The following PCDHA9 variants were observed in gnomAD, a reference collection of about 807,000 sequenced individuals.
PCDHA9 encodes protocadherin alpha 9, also known as protocadherin alpha-9.
PCDHA9 carries 62 observed loss-of-function variants against 62.0 expected under a neutral mutation model. The observed-to-expected ratio is 1.00, with a 90% CI of 0.81 to 1.23. The LOEUF (loss-of-function observed/expected upper bound fraction) is 1.23. PCDHA9 is among the 50% of genes most tolerant of loss of function. PCDHA9 has a pLI of 0.00. For synonymous variants in PCDHA9, 557 were observed against 567.6 expected, an observed-to-expected ratio of 0.98 and a Z score of 0.27; for missense variants, 1,205 against 1,249.8, an observed-to-expected ratio of 0.96 and a Z score of 0.54.
rs374326542 is a variant in PCDHA9, at chr5:140,927,218, A to G, written c.2395-51731A>G. The G allele has an allele frequency of 2.5e-6, 4 of 1,613,972 alleles. No individual in the cohort carries two copies. The African/African-American group carries it at 5.3e-5, about 22-fold the overall frequency. On this transcript the variant is annotated intron_variant, in intron 1 of 3. Coordinates refer to ENST00000532602, the MANE Select transcript of PCDHA9 (RefSeq NM_031857.2). ...CTCGAGGACCCGCTGGAGCTGCACA[A>G]GATTCGGATTCACGTCCTGGACACC...
intron 1 of PCDHA9, among the ~76,000 whole-genome samples, chr5:140,941,215 C>CTTT (rs782548958): frequency 2.3e-4 from 24 of 104,510 alleles, no homozygotes; most frequent in African/African-American, 3.3e-4. Context: ...TTCTTTCTTC[C>CTTT]TTTCTTTCTT....
At chr5:140,984,227 T>C (rs571404372) in intron 3 of PCDHA9, among the ~76,000 whole-genome samples, 1 of 152,336 alleles carries the variant, frequency 6.6e-6, no homozygotes, top group Admixed American at 6.5e-5. Context: ...CTTGCTCTTA[T>C]GGAGGCATTG....
At chr5:141,001,476 G>A (rs1554258187) in intron 3 of PCDHA9, among the ~76,000 whole-genome samples, 1 of 152,226 alleles carries the variant, frequency 6.6e-6, no homozygotes, top group Admixed American at 6.5e-5. Flanking sequence ...CAGCAGCGGG[G>A]AAGTGCTGGA....
chr5:140,943,571 G>A (rs1164273913), intron 1 of PCDHA9, among the ~76,000 whole-genome samples: 4 of 152,152 alleles, frequency 2.6e-5, no homozygotes, highest in Admixed American at 2.6e-4. Context: ...ATTTTAATTT[G>A]TTGATCTGAG....
At chr5:140,999,784 T>C (rs1176844844) in intron 3 of PCDHA9, among the ~76,000 whole-genome samples, 1 of 152,202 alleles carries the variant, frequency 6.6e-6, no homozygotes, top group African/African-American at 2.4e-5. Context: ...AACCTAGAAA[T>C]GGCAGAGTTA....
chr5:140,973,078 C>T (rs111586419), intron 1 of PCDHA9, among the ~76,000 whole-genome samples: 5,544 of 152,208 alleles, frequency 0.036, 303 homozygotes, highest in African/African-American at 0.12. Context: ...GTGGGCCCAG[C>T]TGGCACAACA....
chr5:140,850,632 C>T lies in PCDHA9; in HGVS notation c.2137C>T (p.Leu713Phe), dbSNP rs2150491641. ...AICAVSSLLV[L>F]TLLLYTVLRC... is the part of the protein sequence containing the mutation. Reference sequence around the variant, plus strand: ...CTGCGCGGTGTCTAGCCTGTTGGTTCTCACGCTGCTGCTGTACACTGTGCT... The same window carrying T: ...CTGCGCGGTGTCTAGCCTGTTGGTTTTCACGCTGCTGCTGTACACTGTGCT... The change falls in exon 1 of 4, where the codon CTC (leucine) becomes TTC (phenylalanine). Residue 713 changes from leucine (L) to phenylalanine (F), a missense_variant. By Grantham distance (22) the Leu-to-Phe change is conservative (BLOSUM62 0). Around this residue, in one of 3 missense-constraint regions of PCDHA9, gnomAD observed 887 missense variants for 809.5 expected, o/e 1.10. Coordinates refer to ENST00000532602, the MANE Select transcript of PCDHA9 (RefSeq NM_031857.2). 6.3e-7 allele frequency: 1 copy of T among 1,598,646 alleles called. No homozygotes were observed.
intron 1 of PCDHA9, chr5:140,926,774 A>G: frequency 7.2e-7 from 1 of 1,380,760 alleles, no homozygotes; most frequent in Non-Finnish European, 9.4e-7. Flanking sequence ...AGCCCGCAGC[A>G]GTGACGGCCG....
intron 1 of PCDHA9, among the ~76,000 whole-genome samples, chr5:140,893,800 T>C (rs1483033571): frequency 6.6e-6 from 1 of 152,174 alleles, no homozygotes; most frequent in Non-Finnish European, 1.5e-5. Flanking sequence ...ATTCCCTCCT[T>C]GTCTTGAGTC....
intron 1 of PCDHA9, chr5:140,883,514 G>A: frequency 6.2e-7 from 1 of 1,614,220 alleles, no homozygotes; most frequent in Non-Finnish European, 8.5e-7. Context: ...CCTGGACCGC[G>A]AGAGCGTATC....
chr5:141,004,402 A>T (rs2098165262), intron 3 of PCDHA9, among the ~76,000 whole-genome samples: 1 of 152,188 alleles, frequency 6.6e-6, no homozygotes, highest in African/African-American at 2.4e-5. Context: ...TGGAGGAGGC[A>T]CCTGACTAGA....
intron 1 of PCDHA9, chr5:140,856,553 T>C (rs1319185539): frequency 6.3e-7 from 1 of 1,598,066 alleles, no homozygotes; most frequent in African/African-American, 1.3e-5. Context: ...ATTGCTTACT[T>C]ACAAACTCAG....
At chr5:140,876,945 C>T (rs1405794987) in intron 1 of PCDHA9, 2 of 1,613,474 alleles carry the variant, frequency 1.2e-6, no homozygotes, top group East Asian at 2.2e-5. Flanking sequence ...CGCTGGTGTC[C>T]TACTCGCTGG....
At chr5:140,930,169 A>G (rs1312219690) in intron 1 of PCDHA9, 1 of 152,184 alleles carries the variant, frequency 6.6e-6, no homozygotes, top group Non-Finnish European at 1.5e-5. Context: ...AATATTTTAC[A>G]AAGAGGAAAG....
intron 3 of PCDHA9, among the ~76,000 whole-genome samples, chr5:140,986,890 G>A (rs965456573): frequency 6.6e-6 from 1 of 152,124 alleles, no homozygotes; most frequent in Non-Finnish European, 1.5e-5. Flanking sequence ...CAAATTCTTA[G>A]GCCCTATCCT....
chr5:140,850,269 G>C lies in PCDHA9; in HGVS notation c.1774G>C (p.Gly592Arg), dbSNP rs201513560. ...GTCGGTGGGCGCCGGCGTAGTGGTGGGGAAGGTGCGCGCAGTGGACGCCGA... is the reference window on the plus strand; with the variant it reads ...GTCGGTGGGCGCCGGCGTAGTGGTGCGGAAGGTGCGCGCAGTGGACGCCGA... ...LRSVGAGVVVGKVRAVDADSG... is the reference protein window; with the variant it reads ...LRSVGAGVVVRKVRAVDADSG... Residue 592 changes from glycine (G) to arginine (R), a missense_variant, in exon 1 of 4, where the codon GGG (glycine) becomes CGG (arginine). Gly to Arg is a moderately radical substitution (Grantham distance 125). Transcript: ENST00000532602. 7 of 1,594,786 alleles carry C rather than the reference G, an allele frequency of 4.4e-6. 1 individual carries two copies. The highest frequency in any genetic ancestry group is 1.3e-5 in the African/African-American group (1 of 74,148).
chr5:140,851,763 C>T (rs1554145528), intron 1 of PCDHA9: 1 of 969,364 alleles, frequency 1.0e-6, no homozygotes, highest in Admixed American at 6.3e-5. Context: ...TAAAACATTA[C>T]CCTTATGAAT....
At chr5:140,976,894 CAGT>C (rs1199753516) in intron 1 of PCDHA9, among the ~76,000 whole-genome samples, 1 of 152,132 alleles carries the variant, frequency 6.6e-6, no homozygotes, top group African/African-American at 2.4e-5. Context: ...ATACATGCAA[CAGT>C]ATGTAATAAA....
chr5:141,006,843 T>A (rs2098291274), intron 3 of PCDHA9, among the ~76,000 whole-genome samples: 1 of 152,154 alleles, frequency 6.6e-6, no homozygotes, highest in Non-Finnish European at 1.5e-5. Context: ...TTACTGAAAC[T>A]GGAAAGATTT....
Sources: gnomAD v4.1 joint callset for allele counts (sites outside exome capture counted in the v4.1 genomes callset) on GRCh38, gnomAD v4.1.1 for gene constraint, gnomAD v4.1.1 regional missense constraint, MANE v1.5 for transcripts, NCBI Gene and HGNC (gene_info 2026-07-23, HGNC 2026-07-21) for gene names.